Variants in ATOSB observed in about 807,000 individuals in gnomAD.
ATOSB encodes atos homolog protein B.
At chr9:35,107,955 G>C in the ATOSB span, 2 of 1,605,042 alleles carry the variant, frequency 1.2e-6, no homozygotes, top group South Asian at 1.1e-5. Context: ...TCCCAGCCCC[G>C]GTCCCTCTGG....
chr9:35,108,427 T>C, the ATOSB span: 2 of 1,400,816 alleles, frequency 1.4e-6, no homozygotes, highest in South Asian at 3.1e-5. Context: ...TCAGACCCTC[T>C]CCTTGCCTAA....
the ATOSB span, chr9:35,115,686 T>C: frequency 6.9e-6 from 1 of 144,442 alleles, no homozygotes; most frequent in African/African-American, 2.6e-5. Context: ...TGCCCACACA[T>C]TGAGTCCCCA....
chr9:35,107,447 G>C, the ATOSB span: 2 of 1,613,616 alleles, frequency 1.2e-6, no homozygotes, highest in Non-Finnish European at 1.7e-6. Flanking sequence ...CATCAGAACT[G>C]TTGGCAGCAG....
At chr9:35,112,366 T>A in the ATOSB span, 2 of 152,072 alleles carry the variant, frequency 1.3e-5, no homozygotes, top group African/African-American at 4.8e-5. Flanking sequence ...TACAGGGAAG[T>A]GGGATAGGAG....
the ATOSB span, chr9:35,104,550 TCACA>T: frequency 2.5e-3 from 767 of 309,636 alleles, 3 homozygotes; most frequent in African/African-American, 9.2e-3. Context: ...ACATGCACAC[TCACA>T]CACACATACC....
At chr9:35,106,264 C>A in the ATOSB span, 1 of 1,613,722 alleles carries the variant, frequency 6.2e-7, no homozygotes, top group East Asian at 2.2e-5. The surrounding 1 kb of genome is among the most constrained non-coding windows in gnomAD (Gnocchi z 4.6). Context: ...GGAAGGGAGC[C>A]GGGGCATTTT....
the ATOSB span, chr9:35,108,562 A>C: frequency 8.2e-7 from 1 of 1,215,560 alleles, no homozygotes. Context: ...TTCTTACTGG[A>C]CACACTTCCC....
chr9:35,105,834 A>G, the ATOSB span: 1 of 1,614,152 alleles, frequency 6.2e-7, no homozygotes, highest in Non-Finnish European at 8.5e-7. The surrounding 1 kb of genome is among the most constrained non-coding windows in gnomAD (Gnocchi z 5.5). Context: ...TCTTTACCAC[A>G]GTCTGGTTGG....
the ATOSB span, chr9:35,111,460 C>T: frequency 6.6e-6 from 1 of 152,608 alleles, no homozygotes; most frequent in African/African-American, 2.4e-5. Flanking sequence ...ACTAGCGGGC[C>T]CTGGCGCCCG....
the ATOSB span, chr9:35,104,596 C>A: frequency 9.7e-6 from 4 of 412,984 alleles, no homozygotes. Context: ...CACACACATA[C>A]GCATAACTTG....
At chr9:35,106,853 T>C in the ATOSB span, 1 of 1,572,670 alleles carries the variant, frequency 6.4e-7, no homozygotes, top group Non-Finnish European at 8.6e-7. This position sits in a 1 kb window ranked among gnomAD's most constrained non-coding sequence, Gnocchi z 4.6. Context: ...GACGGGCTCC[T>C]TTCAGCCTCC....
the ATOSB span, chr9:35,106,104 G>A: frequency 3.6e-5 from 54 of 1,507,770 alleles, no homozygotes; most frequent in South Asian, 4.2e-4. The surrounding 1 kb of genome is among the most constrained non-coding windows in gnomAD (Gnocchi z 4.6). Flanking sequence ...CCCTGAACCT[G>A]CCCCTGCCCT....
At chr9:35,107,106 G>C in the ATOSB span, among the ~76,000 whole-genome samples, 700 of 152,114 alleles carry the variant, frequency 4.6e-3, 10 homozygotes, top group African/African-American at 0.016. Flanking sequence ...TCGATGATTT[G>C]AGCTCAGGAG....
the ATOSB span, chr9:35,105,174 G>A: frequency 8.3e-6 from 13 of 1,567,248 alleles, no homozygotes; most frequent in Non-Finnish European, 1.0e-5. This position sits in a 1 kb window ranked among gnomAD's most constrained non-coding sequence, Gnocchi z 5.5. Flanking sequence ...CTAAGATGGA[G>A]CAGGATGGGC....
the ATOSB span, chr9:35,108,220 A>G: frequency 6.3e-7 from 1 of 1,587,168 alleles, no homozygotes. Flanking sequence ...GGAGGCTGTG[A>G]AGGGCCAGCC....
At chr9:35,110,590 G>A in the ATOSB span, 1 of 152,388 alleles carries the variant, frequency 6.6e-6, no homozygotes, top group African/African-American at 2.4e-5. Context: ...GCAGGGCAGA[G>A]TAGGCCAAGC....
chr9:35,107,880 A>G, the ATOSB span: 1 of 1,594,526 alleles, frequency 6.3e-7, no homozygotes, highest in Non-Finnish European at 8.5e-7. Flanking sequence ...AGATGAGGTG[A>G]CACTACTTCT....
the ATOSB span, chr9:35,105,491 A>G: frequency 1.0e-5 from 13 of 1,295,692 alleles, no homozygotes; most frequent in Admixed American, 2.3e-5. The surrounding 1 kb of genome is among the most constrained non-coding windows in gnomAD (Gnocchi z 5.5). Context: ...CAGGAGTTGG[A>G]GACCAGCCTA....
the ATOSB span, chr9:35,110,493 C>CT: frequency 0.48 from 73,222 of 151,990 alleles, 17,917 homozygotes; most frequent in East Asian, 0.59. Context: ...ACAAGACGCT[C>CT]TATATTCACT....
Sources: allele counts gnomAD v4.1 joint callset (sites outside exome capture counted in the v4.1 genomes callset), GRCh38; gene constraint gnomAD v4.1.1; non-coding constraint Gnocchi (gnomAD v3.1); transcripts MANE v1.5; gene names NCBI Gene and HGNC (gene_info 2026-07-23, HGNC 2026-07-21).